ZC3H6: variants seen among roughly 807,000 people sequenced by gnomAD.
ZC3H6 encodes the protein zinc finger CCCH-type containing 6, also known as zinc finger CCCH domain-containing protein 6.
In ZC3H6, 40 loss-of-function variants were observed where a neutral mutation model predicts 107.7. That is an observed-to-expected ratio of 0.37 (90% CI 0.29 to 0.48). ZC3H6 has a LOEUF of 0.48. Among genes scored for constraint, ZC3H6 ranks in the 20% least tolerant of loss-of-function variants. The pLI, the probability that ZC3H6 is intolerant of heterozygous loss-of-function variation, is 0.98. For synonymous variants in ZC3H6, 493 were observed against 487.9 expected (o/e 1.01, Z -0.14); for missense variants, 1,267 against 1,410.4 (o/e 0.90, Z 1.63).
At chr2:112,306,109 A>G (rs1472403811) in intron 3 of ZC3H6, among the ~76,000 whole-genome samples, 1 of 151,812 alleles carries the variant, frequency 6.6e-6, no homozygotes, top group Non-Finnish European at 1.5e-5. Flanking sequence ...TGAAATGTTC[A>G]TATTGTCTTT....
chr2:112,331,733 A>C lies in ZC3H6; in HGVS notation c.2815A>C (p.Asn939His). The C allele has an allele frequency of 6.2e-7, 1 of 1,613,900 alleles. No homozygotes were observed. The highest frequency in any genetic ancestry group is 8.5e-7 in the Non-Finnish European group (1 of 1,179,874). ...DPKLAAKAKI[N>H]TTNREGYLEQ... ...AAAATTAGCAGCCAAAGCCAAAATT[A>C]ACACAACAAACAGAGAAGGCTACCT... Residue 939 changes from asparagine to histidine, a missense_variant, in exon 12 of 12, where the codon AAC becomes CAC. By Grantham distance (68) the Asn-to-His change is moderately conservative (BLOSUM62 1). Around this residue, in one of 3 missense-constraint regions of ZC3H6, gnomAD observed 925 missense variants for 1,025.7 expected, o/e 0.90. Coordinates refer to ENST00000409871, the MANE Select transcript of ZC3H6 (RefSeq NM_198581.3).
chr2:112,330,947 TTTATTA>T (rs201150610), intron 11 of ZC3H6, 52 bp from the exon 12 acceptor site: 114,406 of 715,356 alleles, frequency 0.16, 9,285 homozygotes, highest in Non-Finnish European at 0.18. Context: ...ATATAATAAT[TTTATTA>T]TATTATAAGT....
In ZC3H6 at chr2:112,331,816, A is replaced by G. The variant is rs182948342; in HGVS notation, c.2898A>G (p.Gln966=). The change falls in exon 12 of 12, where the codon CAA becomes CAG. Residue 966 remains glutamine, a synonymous_variant. Coordinates refer to ENST00000409871, the MANE Select transcript of ZC3H6 (RefSeq NM_198581.3). The part of the protein sequence containing the change: ...SGAKLGDPRL[Q]KNFDPRLHRL... ...CTAAATTAGGAGATCCTAGACTACAAAAAAATTTTGATCCTAGGCTTCACA... is the reference window on the plus strand; with the variant it reads ...CTAAATTAGGAGATCCTAGACTACAGAAAAATTTTGATCCTAGGCTTCACA... 5 of 1,613,788 alleles carry G rather than the reference A, an allele frequency of 3.1e-6. No homozygotes were observed. The highest frequency in any genetic ancestry group is 4.5e-5 in the East Asian group (2 of 44,878).
chr2:112,307,959 A>G (rs1201132474), intron 3 of ZC3H6, among the ~76,000 whole-genome samples: 1 of 152,244 alleles, frequency 6.6e-6, no homozygotes, highest in Non-Finnish European at 1.5e-5. Context: ...CTCATCTATT[A>G]ACAAAGTAAT....
chr2:112,288,716 C>A (rs1024073951), intron 1 of ZC3H6, among the ~76,000 whole-genome samples: 7 of 152,182 alleles, frequency 4.6e-5, no homozygotes, highest in Non-Finnish European at 8.8e-5. Flanking sequence ...TCTTTTGTTG[C>A]TGGTTATTCT....
chr2:112,289,267 G>C (rs1181187502), intron 1 of ZC3H6, among the ~76,000 whole-genome samples: 5 of 151,262 alleles, frequency 3.3e-5, no homozygotes, highest in Non-Finnish European at 7.4e-5. Context: ...CAAAGTGCTA[G>C]GGTTACAGGC....
intron 1 of ZC3H6, among the ~76,000 whole-genome samples, chr2:112,298,479 C>A (rs1340690755): frequency 6.6e-6 from 1 of 152,236 alleles, no homozygotes; most frequent in African/African-American, 2.4e-5. Context: ...TAAATTGGTG[C>A]AGCCCTTGTG....
intron 2 of ZC3H6, among the ~76,000 whole-genome samples, chr2:112,301,344 A>G (rs1573954245): frequency 6.6e-6 from 1 of 152,234 alleles, no homozygotes; most frequent in Admixed American, 6.5e-5. Context: ...TGCTGGAAGT[A>G]AAGTCTACAT....
intron 1 of ZC3H6, among the ~76,000 whole-genome samples, chr2:112,297,622 G>A (rs1405101250): frequency 6.6e-6 from 1 of 152,060 alleles, no homozygotes; most frequent in African/African-American, 2.4e-5. Flanking sequence ...CAATATAAAA[G>A]TCAGTTTGTT....
chr2:112,280,719 G>A (rs1342170332), intron 1 of ZC3H6, among the ~76,000 whole-genome samples: 5 of 152,130 alleles, frequency 3.3e-5, no homozygotes, highest in Non-Finnish European at 7.3e-5. Context: ...CTTTGGCCAA[G>A]TAAATACAGA....
chr2:112,279,261 GGATGTT>G (rs1293346082), intron 1 of ZC3H6, among the ~76,000 whole-genome samples: 1 of 152,126 alleles, frequency 6.6e-6, no homozygotes, highest in South Asian at 2.1e-4. Context: ...TATTTCAACT[GGATGTT>G]GACCCAATTA....
Position 112,322,791 on chromosome 2 carries a change from A to G in ZC3H6, c.1229A>G (p.Asp410Gly). ...PTPPEHFPFS[D>G]PEDDFQTDFS... ...CCTCCAGAGCATTTTCCCTTTTCTG[A>G]TCCTGAAGACGATTTTCAGACAGAT... Residue 410 changes from aspartate to glycine, a missense_variant, in exon 9 of 12, where the codon GAT becomes GGT. Physicochemically the swap from Asp to Gly is moderately conservative, Grantham distance 94. Transcript: ENST00000409871. 1 of 1,613,874 alleles carries G rather than the reference A, an allele frequency of 6.2e-7. No homozygotes were observed. The highest frequency in any genetic ancestry group is 8.5e-7 in the Non-Finnish European group (1 of 1,179,876).
intron 4 of ZC3H6, among the ~76,000 whole-genome samples, chr2:112,310,462 G>A (rs1304239627): frequency 1.3e-5 from 2 of 152,074 alleles, no homozygotes; most frequent in African/African-American, 2.4e-5. Flanking sequence ...AGTTATCTCT[G>A]TTGCTGTATG....
At chr2:112,279,175 G>T (rs756344340) in intron 1 of ZC3H6, among the ~76,000 whole-genome samples, 11 of 152,170 alleles carry the variant, frequency 7.2e-5, no homozygotes, top group Admixed American at 1.3e-4. Flanking sequence ...TCAGAGGGAG[G>T]TATAATTCTG....
chr2:112,334,803 C>G lies in ZC3H6; in HGVS notation c.*2315C>G, dbSNP rs1026352873. 3 of 152,396 alleles carry G rather than the reference C, an allele frequency of 2.0e-5. No individual in the cohort carries two copies. The highest frequency in any genetic ancestry group is 2.9e-5 in the Non-Finnish European group (2 of 67,976). The allele number at this position is 152,396 out of a possible 1,614,324, so 9.4% of individuals were successfully genotyped here. A position where few individuals can be genotyped will look rare whatever the true frequency, so the allele number is the denominator to read the frequency against. ...TTCTCATACAAATTGAATAAGTAGC[C>G]ATTTTCCCCCAATGAATACCTCTTC... On this transcript the variant is annotated 3_prime_UTR_variant, in exon 12 of 12. Transcript: ENST00000409871.
At chr2:112,304,850 A>G (rs532461448) in intron 3 of ZC3H6, among the ~76,000 whole-genome samples, 1 of 152,332 alleles carries the variant, frequency 6.6e-6, no homozygotes, top group East Asian at 1.9e-4. Flanking sequence ...AGAAACCAAA[A>G]TACTATTTTT....
rs1158460584 is a variant in ZC3H6, at chr2:112,300,040, A to G, written c.213+11A>G. ...CGTGAGAAACATAAGGTTAGTTAGAATCTACTTTTTATTCTTTTGATAAAT... is the reference window on the plus strand; with the variant it reads ...CGTGAGAAACATAAGGTTAGTTAGAGTCTACTTTTTATTCTTTTGATAAAT... On this transcript the variant is annotated intron_variant, in intron 2 of 11. Coordinates refer to ENST00000409871, the MANE Select transcript of ZC3H6 (RefSeq NM_198581.3). 2 of 1,370,418 alleles carry G rather than the reference A, an allele frequency of 1.5e-6. No homozygotes were observed. The highest frequency in any genetic ancestry group is 2.8e-5 in the East Asian group (1 of 35,498). 84.9% of individuals were successfully genotyped at this position (1,370,418 alleles called of 1,614,324 possible). A position where few individuals can be genotyped will look rare whatever the true frequency, so the allele number is the denominator to read the frequency against.
intron 9 of ZC3H6, 90 bp downstream of exon 9, chr2:112,322,992 A>C (rs1448737909): frequency 7.2e-6 from 10 of 1,385,588 alleles, no homozygotes; most frequent in Admixed American, 2.3e-5. Context: ...TAATCATGTA[A>C]TTAAACTTGG....
rs1677117082 is a variant in ZC3H6, at chr2:112,335,097, T to C, written c.*2609T>C. Reference sequence around the variant, plus strand: ...TGGAACACACAGAAGATCATGACAATTGAGATTCAGCAACTGCTGTCTCAT... The same window carrying C: ...TGGAACACACAGAAGATCATGACAACTGAGATTCAGCAACTGCTGTCTCAT... On this transcript the variant is annotated 3_prime_UTR_variant, in exon 12 of 12. Transcript: ENST00000409871. The C allele has an allele frequency of 6.6e-6, 1 of 152,178 alleles. No individual in the cohort carries two copies. The highest frequency in any genetic ancestry group is 2.1e-4 in the South Asian group (1 of 4,830). 9.4% of individuals were successfully genotyped at this position (152,178 alleles called of 1,614,324 possible).
Sources: allele counts gnomAD v4.1 joint callset (sites outside exome capture counted in the v4.1 genomes callset), GRCh38; gene constraint gnomAD v4.1.1; regional missense constraint gnomAD v4.1.1; transcripts MANE v1.5; gene names NCBI Gene and HGNC (gene_info 2026-07-23, HGNC 2026-07-21).